The following LMO7 variants were observed in gnomAD, a reference collection of about 807,000 sequenced individuals.
LMO7 encodes LIM domain only protein 7.
LMO7 carries 120 observed loss-of-function variants against 206.5 expected under a neutral mutation model. That is an observed-to-expected ratio of 0.58 (90% CI 0.50 to 0.68). The LOEUF (loss-of-function observed/expected upper bound fraction) is 0.68, where lower values mean the gene tolerates loss of function less well. Among genes scored for constraint, LMO7 ranks in the 30% least tolerant of loss-of-function variants. The probability of loss-of-function intolerance (pLI) is 0.00; values close to 1 mark genes in which losing one functional copy is unlikely to be tolerated. For synonymous variants in LMO7, 706 were observed against 681.5 expected (o/e 1.04, Z -0.56); for missense variants, 1,959 against 1,957.9 (o/e 1.00, Z -0.01).
At chr13:75,629,921 G>C (rs1045218046) in intron 2 of LMO7, among the ~76,000 whole-genome samples, 8 of 152,286 alleles carry the variant, frequency 5.3e-5, no homozygotes, top group Non-Finnish European at 8.8e-5. Context: ...GGGATTGAAG[G>C]TTGTGGGATG....
In LMO7 at chr13:75,849,139, A is replaced by C. The variant is rs1255521464; in HGVS notation, c.4211A>C (p.Lys1404Thr). The change falls in exon 27 of 31, where the codon AAA becomes ACA. Residue 1404 changes from lysine to threonine, a missense_variant. By Grantham distance (78) the Lys-to-Thr change is moderately conservative. Coordinates refer to ENST00000377534, the MANE Select transcript of LMO7 (RefSeq NM_001306080.2). The stretch of plus-strand genomic sequence containing the variant: ...ACCTCTTCACAGAGGAGATCCAAGA[A>C]AGAACAAGTACCATCAGGAGCAGAA... ...NMTSSQRRSKKEQVPSGAELE... is the reference protein window; with the variant it reads ...NMTSSQRRSKTEQVPSGAELE... 1 of 1,613,568 alleles carries C rather than the reference A, an allele frequency of 6.2e-7. No homozygotes were observed. The highest frequency in any genetic ancestry group is 8.5e-7 in the Non-Finnish European group (1 of 1,179,566).
At chr13:75,675,139 T>G (rs9530458) in intron 1 of LMO7, among the ~76,000 whole-genome samples, 1 of 151,144 alleles carries the variant, frequency 6.6e-6, no homozygotes, top group East Asian at 2.0e-4. Context: ...TGCAGTGGCA[T>G]GATCTTCACT....
chr13:75,820,250 TC>T (rs1412700405), intron 13 of LMO7, among the ~76,000 whole-genome samples: 1 of 152,230 alleles, frequency 6.6e-6, no homozygotes, highest in African/African-American at 2.4e-5. Flanking sequence ...AGGTAGGTAT[TC>T]CTTTCTAGAT....
In LMO7 at chr13:75,840,407, T is replaced by C. The variant is rs759644630; in HGVS notation, c.3494T>C (p.Ile1165Thr). 4.3e-6 allele frequency: 7 copies of C among 1,614,036 alleles called. No homozygotes were observed. Among genetic ancestry groups the C allele is most frequent in the Non-Finnish European group, 3.4e-6 (4 of 1,179,978 alleles). Residue 1165 changes from isoleucine (I) to threonine (T), a missense_variant, in exon 22 of 31, where the codon ATC becomes ACC. Physicochemically the swap from Ile to Thr is moderately conservative, Grantham distance 89. Transcript: ENST00000377534. ...ACTGGTTAGCTTCCAGTTCCAACCATCAGTGCCCCGAGTCGCTGGGTGTGG... is the reference window on the plus strand; with the variant it reads ...ACTGGTTAGCTTCCAGTTCCAACCACCAGTGCCCCGAGTCGCTGGGTGTGG... ...SVVPDLPVPTISAPSRWVWDQ... is the reference protein window; with the variant it reads ...SVVPDLPVPTTSAPSRWVWDQ...
Position 75,636,406 on chromosome 13 carries a change from G to T in LMO7, c.-252G>T. 7.5e-7 allele frequency: 1 copy of T among 1,329,066 alleles called. No homozygotes were observed. The highest frequency in any genetic ancestry group is 9.6e-7 in the Non-Finnish European group (1 of 1,040,480). 82.3% of individuals were successfully genotyped at this position (1,329,066 alleles called of 1,614,324 possible). ...TTCCCGCGTCCTGCCTGACTGCCCG[G>T]GTCCCCGCGGGCCTTGGGTCGCTTT... On this transcript the variant is annotated 5_prime_UTR_variant, in exon 1 of 31. Transcript: ENST00000377534.
intron 4 of LMO7, among the ~76,000 whole-genome samples, chr13:75,775,067 C>T (rs940257483): frequency 1.3e-5 from 2 of 152,040 alleles, no homozygotes; most frequent in Non-Finnish European, 2.9e-5. Flanking sequence ...AGAAAAACCT[C>T]TTCAGTAGAC....
rs556556575 is a variant in LMO7, at chr13:75,681,010, G to T, written c.70-32172G>T. On this transcript the variant is annotated intron_variant, in intron 1 of 30. Transcript: ENST00000377534. ...TGTCCTTTGCCCACTTTTTAATGAG[G>T]TTTTTTTTTTGTTGTAAATTTGTTT... is the stretch of plus-strand genomic sequence containing the variant. Among the ~76,000 whole-genome samples the T allele has an allele frequency of 2.4e-4, 35 of 147,986 alleles. No homozygotes were observed. The East Asian group carries it at 5.5e-3, about 23-fold the overall frequency.
At chr13:75,653,543 A>G (rs1238636625) in intron 1 of LMO7, among the ~76,000 whole-genome samples, 3 of 152,226 alleles carry the variant, frequency 2.0e-5, no homozygotes, top group Admixed American at 6.5e-5. Flanking sequence ...AAAGGAAAAA[A>G]TGTTGAATGA....
intron 10 of LMO7, among the ~76,000 whole-genome samples, chr13:75,808,431 A>G (rs886582371): frequency 6.6e-6 from 1 of 152,224 alleles, no homozygotes; most frequent in African/African-American, 2.4e-5. Context: ...AAGACTGTAT[A>G]TACATAAACC....
intron 11 of LMO7, among the ~76,000 whole-genome samples, chr13:75,809,870 C>T (rs1035612461): frequency 4.5e-5 from 6 of 133,484 alleles, no homozygotes; most frequent in Non-Finnish European, 7.7e-5. Context: ...CTCGCTCTGT[C>T]GCCCAGGCTG....
chr13:75,721,793 CT>C (rs1706197496), intron 2 of LMO7, among the ~76,000 whole-genome samples: 1 of 152,198 alleles, frequency 6.6e-6, no homozygotes, highest in South Asian at 2.1e-4. Context: ...GTGCAAGTAT[CT>C]TTTTCATATA....
chr13:75,767,821 CA>C (rs1437924214), intron 4 of LMO7, among the ~76,000 whole-genome samples: 1 of 152,070 alleles, frequency 6.6e-6, no homozygotes, highest in Non-Finnish European at 1.5e-5. Flanking sequence ...TTAATCTTAT[CA>C]TATCAGTTAA....
intron 1 of LMO7, among the ~76,000 whole-genome samples, chr13:75,683,257 T>C (rs1220113875): frequency 2.6e-5 from 4 of 152,172 alleles, no homozygotes; most frequent in Non-Finnish European, 5.9e-5. Context: ...TTCTATTGAT[T>C]GTGCTTGTGG....
At position 75,815,903 on chromosome 13, in the gene LMO7, G is replaced by T. The variant is rs2056934705; in HGVS notation, c.1947-1258G>T. Among the ~76,000 whole-genome samples the T allele has an allele frequency of 2.6e-5, 4 of 152,182 alleles. No individual in the cohort carries two copies. The South Asian group carries it at 8.3e-4, about 32-fold the overall frequency. On this transcript the variant is annotated intron_variant, in intron 11 of 30. Coordinates refer to ENST00000377534, the MANE Select transcript of LMO7 (RefSeq NM_001306080.2). ...CAGGTAGCAACATTAGTAACCACAAGAGGAAAAGCAGGTTTGGGGACAAGA... is the reference window on the plus strand; with the variant it reads ...CAGGTAGCAACATTAGTAACCACAATAGGAAAAGCAGGTTTGGGGACAAGA...
At chr13:75,842,702 A>C (rs1182841171) in intron 24 of LMO7, 149 bp from the exon 25 acceptor site, 1 of 581,886 alleles carries the variant, frequency 1.7e-6, no homozygotes, top group Non-Finnish European at 3.1e-6. Flanking sequence ...GTGGTTATTC[A>C]TTGAAATACC....
intron 15 of LMO7, among the ~76,000 whole-genome samples, chr13:75,825,390 CCT>C (rs1226835046): frequency 2.0e-5 from 3 of 152,074 alleles, no homozygotes; most frequent in East Asian, 3.9e-4. Flanking sequence ...GGTGTTGGTA[CCT>C]CCCTCAGGGT....
At chr13:75,800,084 C>T (rs528265864) in intron 6 of LMO7, among the ~76,000 whole-genome samples, 2 of 152,308 alleles carry the variant, frequency 1.3e-5, no homozygotes, top group Admixed American at 1.3e-4. Context: ...CTGCCAGGAC[C>T]TTAGAACTAG....
At chr13:75,832,354 G>A (rs1010068045) in intron 15 of LMO7, among the ~76,000 whole-genome samples, 5 of 152,186 alleles carry the variant, frequency 3.3e-5, no homozygotes, top group African/African-American at 1.2e-4. Flanking sequence ...CTTATGAGCT[G>A]ATGTCATTTT....
intron 4 of LMO7, among the ~76,000 whole-genome samples, chr13:75,773,191 T>TA (rs1198178585): frequency 1.3e-5 from 2 of 151,966 alleles, no homozygotes; most frequent in Admixed American, 6.6e-5. Flanking sequence ...ATGAGTTAAG[T>TA]AGGGTCTTAG....
Sources: allele counts gnomAD v4.1 joint callset (sites outside exome capture counted in the v4.1 genomes callset), GRCh38; gene constraint gnomAD v4.1.1; transcripts MANE v1.5; gene names NCBI Gene and HGNC (gene_info 2026-07-23, HGNC 2026-07-21).